Variants in CHRM3 observed in about 807,000 individuals in gnomAD.
CHRM3 encodes cholinergic receptor muscarinic 3.
A neutral mutation model predicts 41.8 loss-of-function variants in CHRM3; 11 were observed. The observed-to-expected ratio is 0.26, with a 90% CI of 0.17 to 0.44. The LOEUF is 0.44. Among genes scored for constraint, CHRM3 ranks in the 20% least tolerant of loss-of-function variants. The probability of loss-of-function intolerance (pLI) is 1.00; values close to 1 mark genes in which losing one functional copy is unlikely to be tolerated. For synonymous variants in CHRM3, 297 were observed against 301.4 expected (o/e 0.99, Z 0.15); for missense variants, 571 against 745.4 (o/e 0.77, Z 2.72).
rs368321115 is a variant in CHRM3, at chr1:239,722,017, G to T, written c.-147+43729G>T. Among the ~76,000 whole-genome samples the T allele has an allele frequency of 1.2e-4, 18 of 151,896 alleles. No individual in the cohort carries two copies. In the East Asian group the frequency reaches 2.5e-3, roughly 21 times the overall value. Reference sequence around the variant, plus strand: ...AAACCATGAAATCCTAGAAGAAAATGAAAAATCATTAATTTGCCAATTCAC... The same window carrying T: ...AAACCATGAAATCCTAGAAGAAAATTAAAAATCATTAATTTGCCAATTCAC... On this transcript the variant is annotated intron_variant, in intron 5 of 6. Transcript: ENST00000676153.
intron 5 of CHRM3, among the ~76,000 whole-genome samples, chr1:239,726,867 A>G (rs894863937): frequency 6.6e-6 from 1 of 151,954 alleles, no homozygotes; most frequent in Non-Finnish European, 1.5e-5. Context: ...TGATAGCAGT[A>G]CTTATTGAAT....
At chr1:239,433,927 T>G (rs1173312185) in intron 1 of CHRM3, among the ~76,000 whole-genome samples, 1 of 152,198 alleles carries the variant, frequency 6.6e-6, no homozygotes, top group Non-Finnish European at 1.5e-5. Context: ...TAAACATGCA[T>G]GTCCAGGTAT....
chr1:239,579,827 C>T (rs553549008), intron 3 of CHRM3, among the ~76,000 whole-genome samples: 11 of 152,268 alleles, frequency 7.2e-5, no homozygotes, highest in African/African-American at 2.4e-4. Flanking sequence ...TTCATCTTCA[C>T]ATACACACTA....
At chr1:239,656,236 C>T (rs1474790136) in intron 4 of CHRM3, among the ~76,000 whole-genome samples, 4 of 152,032 alleles carry the variant, frequency 2.6e-5, no homozygotes, top group Admixed American at 2.0e-4. Context: ...GATCATTAGA[C>T]ACCTAAACCT....
intron 6 of CHRM3, among the ~76,000 whole-genome samples, chr1:239,859,329 G>A (rs554110612): frequency 6.6e-6 from 1 of 151,716 alleles, no homozygotes; most frequent in South Asian, 2.1e-4. Flanking sequence ...ATCTCACTGT[G>A]GTTTTTGACT....
chr1:239,537,340 G>A (rs891417425), intron 2 of CHRM3, among the ~76,000 whole-genome samples: 4 of 152,054 alleles, frequency 2.6e-5, no homozygotes, highest in Admixed American at 6.6e-5. Context: ...TGACTTCTGG[G>A]GAAGCGTCAG....
chr1:239,449,570 G>A (rs923030280), intron 1 of CHRM3, among the ~76,000 whole-genome samples: 4 of 152,096 alleles, frequency 2.6e-5, no homozygotes, highest in Admixed American at 1.3e-4. Flanking sequence ...GATTTGGACC[G>A]AAAGTAAAAC....
In CHRM3 at chr1:239,720,864, T is replaced by C. The variant is rs537527386; in HGVS notation, c.-147+42576T>C. Among the ~76,000 whole-genome samples the C allele has an allele frequency of 1.8e-4, 28 of 152,070 alleles. No individual in the cohort carries two copies. In the South Asian group the frequency reaches 5.8e-3, roughly 32 times the overall value. ...GCCCCTTATCTTTATTTAAATATGC[T>C]TTATCTGCAGGAGTTTGAACAACTC... On this transcript the variant is annotated intron_variant, in intron 5 of 6. Transcript: ENST00000676153.
In CHRM3 at chr1:239,439,209, G is replaced by A. The variant is rs137971839; in HGVS notation, c.-521+51982G>A. Among the ~76,000 whole-genome samples, 57 of 152,250 alleles carry A rather than the reference G, an allele frequency of 3.7e-4. 1 individual carries two copies. Among genetic ancestry groups the A allele is most frequent in the South Asian group, 8.3e-4 (4 of 4,818 alleles). ...GTCAGTAAAAATACTTTGAAACATG[G>A]TCCTTAGGTTTGTATCCGATTAGAA... On this transcript the variant is annotated intron_variant, in intron 1 of 6. Coordinates refer to ENST00000676153, the MANE Select transcript of CHRM3 (RefSeq NM_001375978.1).
chr1:239,501,725 G>A (rs1420978424), intron 2 of CHRM3, among the ~76,000 whole-genome samples: 1 of 152,132 alleles, frequency 6.6e-6, no homozygotes, highest in Non-Finnish European at 1.5e-5. Flanking sequence ...GGGTGTGGTG[G>A]TGGGTGCCTG....
intron 1 of CHRM3, among the ~76,000 whole-genome samples, chr1:239,485,994 T>G (rs1318423236): frequency 6.6e-6 from 1 of 152,238 alleles, no homozygotes; most frequent in Non-Finnish European, 1.5e-5. Context: ...GTACTCTCAT[T>G]AACTTACTCC....
intron 3 of CHRM3, among the ~76,000 whole-genome samples, chr1:239,551,692 T>C (rs1401378968): frequency 6.6e-6 from 1 of 152,188 alleles, no homozygotes; most frequent in Non-Finnish European, 1.5e-5. Flanking sequence ...AAACAGTGTT[T>C]TAACACATGA....
At chr1:239,842,721 A>G (rs923573039) in intron 6 of CHRM3, among the ~76,000 whole-genome samples, 2 of 152,236 alleles carry the variant, frequency 1.3e-5, no homozygotes, top group Non-Finnish European at 2.9e-5. Flanking sequence ...AGGTCACCCC[A>G]ACATACACAC....
At chr1:239,433,374 C>T (rs59092744) in intron 1 of CHRM3, among the ~76,000 whole-genome samples, 7 of 152,130 alleles carry the variant, frequency 4.6e-5, no homozygotes, top group Admixed American at 3.9e-4. Context: ...AGCCATGCCA[C>T]GACTGTCTCC....
chr1:239,869,929 T>G (rs1232689157), intron 6 of CHRM3, among the ~76,000 whole-genome samples: 1 of 152,032 alleles, frequency 6.6e-6, no homozygotes, highest in Non-Finnish European at 1.5e-5. Flanking sequence ...TCATTTGGAG[T>G]TACTTTCAAC....
chr1:239,534,039 G>A (rs1184045877), intron 2 of CHRM3, among the ~76,000 whole-genome samples: 4 of 152,072 alleles, frequency 2.6e-5, no homozygotes, highest in Admixed American at 6.5e-5. Context: ...GAAAATGCTC[G>A]TTTTAGGGCT....
At chr1:239,880,357 G>C (rs1204302561) in intron 6 of CHRM3, among the ~76,000 whole-genome samples, 1 of 152,252 alleles carries the variant, frequency 6.6e-6, no homozygotes, top group Non-Finnish European at 1.5e-5. Flanking sequence ...ACCTGGATGA[G>C]AGCTGACCCC....
chr1:239,875,563 C>T (rs554055664), intron 6 of CHRM3, among the ~76,000 whole-genome samples: 1 of 152,182 alleles, frequency 6.6e-6, no homozygotes, highest in Non-Finnish European at 1.5e-5. Context: ...AAGGCATAGC[C>T]AGATTTGCTC....
intron 1 of CHRM3, among the ~76,000 whole-genome samples, chr1:239,404,676 T>C (rs1349163613): frequency 7.1e-6 from 1 of 140,104 alleles, no homozygotes; most frequent in African/African-American, 2.6e-5. Context: ...CGCTGGAAAA[T>C]TAAGTTGAAA....
Sources: gnomAD v4.1 joint callset for allele counts (sites outside exome capture counted in the v4.1 genomes callset) on GRCh38, gnomAD v4.1.1 for gene constraint, MANE v1.5 for transcripts, NCBI Gene and HGNC (gene_info 2026-07-23, HGNC 2026-07-21) for gene names.